GRIA2: variants seen among roughly 807,000 people sequenced by gnomAD.
GRIA2 encodes the protein glutamate receptor 2.
A neutral mutation model predicts 97.3 loss-of-function variants in GRIA2; 14 were observed. That is an observed-to-expected ratio of 0.14 (90% CI 0.10 to 0.23). The LOEUF (loss-of-function observed/expected upper bound fraction) is 0.23, where lower values mean the gene tolerates loss of function less well. GRIA2 is among the 10% of genes least tolerant of loss of function. The pLI, the probability that GRIA2 is intolerant of heterozygous loss-of-function variation, is 1.00. For synonymous variants in GRIA2, 412 were observed against 387.8 expected, an observed-to-expected ratio of 1.06 and a Z score of -0.73; for missense variants, 558 against 1,069.8, an observed-to-expected ratio of 0.52 and a Z score of 6.67.
chr4:157,351,897 G>A (rs751478051), intron 12 of GRIA2, among the ~76,000 whole-genome samples: 3 of 152,202 alleles, frequency 2.0e-5, no homozygotes, highest in Non-Finnish European at 4.4e-5. Flanking sequence ...GCTGAACTGT[G>A]AGAGAATTAA....
intron 2 of GRIA2, among the ~76,000 whole-genome samples, chr4:157,261,191 A>C (rs1489055992): frequency 1.3e-5 from 2 of 152,098 alleles, no homozygotes; most frequent in Admixed American, 1.3e-4. Flanking sequence ...ACATGGCGGC[A>C]GGCAATAGAG....
chr4:157,301,149 A>T (rs896572026), intron 2 of GRIA2, among the ~76,000 whole-genome samples: 1 of 152,188 alleles, frequency 6.6e-6, no homozygotes, highest in Non-Finnish European at 1.5e-5. Context: ...TCTTTCTTTT[A>T]TGTGTCATTT....
At chr4:157,244,300 C>T (rs1197565647) in intron 2 of GRIA2, among the ~76,000 whole-genome samples, 4 of 151,946 alleles carry the variant, frequency 2.6e-5, no homozygotes, top group African/African-American at 7.3e-5. Context: ...GCACACAGCT[C>T]GTAGTAAGCA....
At chr4:157,308,720 G>A (rs538996880) in intron 3 of GRIA2, among the ~76,000 whole-genome samples, 112 of 152,242 alleles carry the variant, frequency 7.4e-4, no homozygotes, top group African/African-American at 2.1e-3. Context: ...TGAATTACAG[G>A]ATGAATATAT....
rs190749119 is a variant in GRIA2 at position 157,348,808 on chromosome 4, G to T, written c.2043+7346G>T. On this transcript the variant is annotated intron_variant, in intron 12 of 15. Coordinates refer to ENST00000264426, the MANE Select transcript of GRIA2 (RefSeq NM_001083619.3). ...AAATTAGAGGCTTATATGAATATTT[G>T]CTTATATGAATTATATGCTTTTCAA... Among the ~76,000 whole-genome samples, 25 of 152,152 alleles carry T rather than the reference G, an allele frequency of 1.6e-4. No homozygotes were observed. The East Asian group carries it at 3.9e-3, about 24-fold the overall frequency.
intron 12 of GRIA2, among the ~76,000 whole-genome samples, chr4:157,353,520 A>G (rs972347847): frequency 8.6e-5 from 13 of 151,408 alleles, no homozygotes; most frequent in African/African-American, 3.1e-4. Context: ...AATAATAAAA[A>G]AAAAAATTAG....
chr4:157,335,835 C>T lies in GRIA2; in HGVS notation c.1431C>T (p.Asp477=). 1 of 1,612,128 alleles carries T rather than the reference C, an allele frequency of 6.2e-7. No homozygotes were observed. Residue 477 remains aspartate (D), a synonymous_variant, in exon 10 of 16, where the codon GAC becomes GAT. Transcript: ENST00000264426. ...GDGKYGARDA[D]TKIWNGMVGE... ...GCAAGTATGGGGCCAGGGATGCAGA[C>T]ACGAAAATTTGGAATGGGATGGTTG...
chr4:157,323,345 A>C, intron 6 of GRIA2, among the ~76,000 whole-genome samples: 1 of 149,430 alleles, frequency 6.7e-6, no homozygotes, highest in Admixed American at 6.7e-5. Context: ...TCAAAAAAAA[A>C]AAAAAAAAAA....
chr4:157,358,731 C>A (rs1057455342), intron 12 of GRIA2, among the ~76,000 whole-genome samples: 2 of 152,096 alleles, frequency 1.3e-5, no homozygotes, highest in Admixed American at 6.6e-5. Flanking sequence ...CACAAGCATA[C>A]TCTATACTCT....
At chr4:157,334,180 A>G in intron 9 of GRIA2, 60 bp downstream of exon 9, 1 of 818,426 alleles carries the variant, frequency 1.2e-6, no homozygotes, top group Non-Finnish European at 2.2e-6. Context: ...TATCTGCAGG[A>G]GTAGCTATTT....
intron 2 of GRIA2, among the ~76,000 whole-genome samples, chr4:157,279,559 A>C (rs1028199925): frequency 6.6e-6 from 1 of 152,156 alleles, no homozygotes; most frequent in Non-Finnish European, 1.5e-5. Flanking sequence ...GGATGTCCAC[A>C]GTAAAGAACT....
intron 2 of GRIA2, among the ~76,000 whole-genome samples, chr4:157,300,049 G>A (rs545222123): frequency 2.0e-5 from 3 of 151,470 alleles, no homozygotes; most frequent in South Asian, 4.2e-4. Context: ...AGTTGTCTTT[G>A]GATTGATTTT....
At chr4:157,351,156 T>G (rs1483645825) in intron 12 of GRIA2, among the ~76,000 whole-genome samples, 1 of 152,144 alleles carries the variant, frequency 6.6e-6, no homozygotes, top group African/African-American at 2.4e-5. Flanking sequence ...ATAATCAATG[T>G]TCTTTAAATA....
rs114623874 is a variant in GRIA2 at position 157,266,580 on chromosome 4, A to G, written c.230-36972A>G. On this transcript the variant is annotated intron_variant, in intron 2 of 15. Transcript: ENST00000264426. ...GGAGACCTTGGCAGATGAATTTGGT[A>G]GAGTGAATTTGGTAGGCCTGTTGCA... Among the ~76,000 whole-genome samples the G allele has an allele frequency of 4.3e-3, 657 of 152,132 alleles. 3 individuals are homozygous for G. The highest frequency in any genetic ancestry group is 0.015 in the African/African-American group (620 of 41,530).
At chr4:157,335,337 A>C (rs1177684333) in intron 9 of GRIA2, 1 of 293,222 alleles carries the variant, frequency 3.4e-6, no homozygotes, top group Non-Finnish European at 6.6e-6. Context: ...CCAAACTTGA[A>C]TAAAATAGGT....
chr4:157,272,714 G>A (rs899565436), intron 2 of GRIA2, among the ~76,000 whole-genome samples: 1 of 152,044 alleles, frequency 6.6e-6, no homozygotes, highest in Middle Eastern at 3.2e-3. Context: ...CTGCCCTTAA[G>A]AGAAACTACT....
chr4:157,324,655 T>A (rs1734726008), intron 6 of GRIA2, among the ~76,000 whole-genome samples: 1 of 152,156 alleles, frequency 6.6e-6, no homozygotes, highest in Non-Finnish European at 1.5e-5. Flanking sequence ...TTGTTGCTAC[T>A]GCAAAAATGT....
chr4:157,339,779 CAT>C (rs1399195120), intron 11 of GRIA2, among the ~76,000 whole-genome samples: 1 of 151,812 alleles, frequency 6.6e-6, no homozygotes, highest in Non-Finnish European at 1.5e-5. Context: ...TGATATGTGT[CAT>C]ATAACTATAC....
intron 2 of GRIA2, among the ~76,000 whole-genome samples, chr4:157,265,488 G>A (rs964189727): frequency 3.9e-5 from 6 of 152,086 alleles, no homozygotes; most frequent in Non-Finnish European, 5.9e-5. Flanking sequence ...TGCATTCTAA[G>A]GAGTGTCCCA....
Sources: gnomAD v4.1 joint callset for allele counts (sites outside exome capture counted in the v4.1 genomes callset) on GRCh38, gnomAD v4.1.1 for gene constraint, MANE v1.5 for transcripts, NCBI Gene and HGNC (gene_info 2026-07-23, HGNC 2026-07-21) for gene names.